The following PPP2R5C variants were observed in gnomAD, a reference collection of about 807,000 sequenced individuals.
PPP2R5C encodes the protein protein phosphatase 2 regulatory subunit B'gamma, also known as serine/threonine-protein phosphatase 2A 56 kDa regulatory subunit gamma isoform.
PPP2R5C carries 7 observed loss-of-function variants against 68.9 expected under a neutral mutation model. The observed-to-expected ratio is 0.10, with a 90% CI of 0.06 to 0.19. The LOEUF is 0.19. Among genes scored for constraint, PPP2R5C ranks in the 10% least tolerant of loss-of-function variants. The pLI is 1.00. For synonymous variants in PPP2R5C, 210 were observed against 222.2 expected (o/e 0.95, Z 0.49); for missense variants, 348 against 641.3 (o/e 0.54, Z 4.94).
At chr14:101,820,766 A>G (rs1210548810) in intron 1 of PPP2R5C, 2 of 152,216 alleles carry the variant, frequency 1.3e-5, no homozygotes, top group African/African-American at 2.4e-5. Context: ...AAAAATGTAC[A>G]ACATGGCCAT....
chr14:101,834,689 A>G (rs2040969685), intron 1 of PPP2R5C, among the ~76,000 whole-genome samples: 1 of 152,224 alleles, frequency 6.6e-6, no homozygotes, highest in Non-Finnish European at 1.5e-5. Flanking sequence ...CTGAGGATTT[A>G]TTAAGATATT....
intron 2 of PPP2R5C, among the ~76,000 whole-genome samples, chr14:101,869,653 G>T (rs12891885): frequency 6.6e-6 from 1 of 151,848 alleles, no homozygotes; most frequent in Non-Finnish European, 1.5e-5. Context: ...ATTATGCCAG[G>T]CTTGTTTGTT....
intron 1 of PPP2R5C, among the ~76,000 whole-genome samples, chr14:101,851,365 A>G (rs922677824): frequency 8.5e-5 from 13 of 152,176 alleles, no homozygotes; most frequent in African/African-American, 2.4e-5. Flanking sequence ...TGGAAGGTCA[A>G]GGTTGCAGTG....
rs140870207 is a variant in PPP2R5C, at chr14:101,877,943, G to A, written c.295-4218G>A. Among the ~76,000 whole-genome samples, 1,402 of 152,304 alleles carry A rather than the reference G, an allele frequency of 9.2e-3. 19 individuals are homozygous for A. Among genetic ancestry groups the A allele is most frequent in the African/African-American group, 0.032 (1,330 of 41,562 alleles). On this transcript the variant is annotated intron_variant, in intron 2 of 13. Coordinates refer to ENST00000334743, the Ensembl canonical transcript of PPP2R5C. The surrounding 1 kb of genome is among the most constrained non-coding windows in gnomAD (Gnocchi z 4.2). Reference sequence around the variant, plus strand: ...GCTGTATCAGTCTGCTCAGGCTGCCGTAAGAAAATACCACAGGCTGGTGGC... The same window carrying A: ...GCTGTATCAGTCTGCTCAGGCTGCCATAAGAAAATACCACAGGCTGGTGGC...
chr14:101,780,053 A>G (rs2037601785), intron 2 of PPP2R5C, among the ~76,000 whole-genome samples: 2 of 152,160 alleles, frequency 1.3e-5, no homozygotes, highest in Admixed American at 1.3e-4. Context: ...CTCCATATGC[A>G]TGGCCCTCTC....
chr14:101,837,229 C>T (rs1566888979), intron 1 of PPP2R5C, among the ~76,000 whole-genome samples: 1 of 152,072 alleles, frequency 6.6e-6, no homozygotes, highest in Non-Finnish European at 1.5e-5. Context: ...CCGCAACCTC[C>T]GCCCCTTGGG....
At chr14:101,873,456 T>C (rs1402889325) in intron 2 of PPP2R5C, among the ~76,000 whole-genome samples, 3 of 152,208 alleles carry the variant, frequency 2.0e-5, no homozygotes, top group East Asian at 3.8e-4. Context: ...GGAACAGTTA[T>C]ATTAAAACCA....
chr14:101,789,413 G>A (rs957588413), intron 3 of PPP2R5C, among the ~76,000 whole-genome samples: 10 of 152,174 alleles, frequency 6.6e-5, no homozygotes, highest in African/African-American at 1.7e-4. Context: ...GCTGGTTGGC[G>A]CCATGCCAGT....
chr14:101,852,381 C>G (rs1043188465), intron 1 of PPP2R5C, among the ~76,000 whole-genome samples: 1 of 151,954 alleles, frequency 6.6e-6, no homozygotes, highest in Non-Finnish European at 1.5e-5. Context: ...CTCTATTTAT[C>G]ACTGATTAAT....
At chr14:101,872,178 T>C (rs1054786360) in intron 2 of PPP2R5C, among the ~76,000 whole-genome samples, 1 of 151,656 alleles carries the variant, frequency 6.6e-6, no homozygotes, top group African/African-American at 2.4e-5. Context: ...ATGAATTCTT[T>C]TAGCTTTCGT....
At chr14:101,919,805 T>TA (rs1404237778) in intron 13 of PPP2R5C, among the ~76,000 whole-genome samples, 2 of 151,958 alleles carry the variant, frequency 1.3e-5, no homozygotes, top group Non-Finnish European at 2.9e-5. Context: ...CCATCTCTAC[T>TA]AAAAAATACA....
intron 3 of PPP2R5C, among the ~76,000 whole-genome samples, chr14:101,795,965 G>A (rs540448171): frequency 2.0e-5 from 3 of 152,212 alleles, no homozygotes; most frequent in African/African-American, 7.2e-5. Flanking sequence ...TGGGACCACA[G>A]GTGCGCACCA....
At chr14:101,829,939 T>C (rs1053166771) in intron 1 of PPP2R5C, among the ~76,000 whole-genome samples, 1 of 143,320 alleles carries the variant, frequency 7.0e-6, no homozygotes, top group African/African-American at 2.7e-5. Context: ...GTGTCCATAG[T>C]GGCAAAAAAA....
Position 101,823,914 on chromosome 14 carries a change from CAA to C in PPP2R5C, c.94+13879_94+13880del, listed in dbSNP as rs1314383048. ...GATCTTATGGTGTCATCTAGAAAAA[CAA>C]GAGATGCAGATTCTGGGTCACGAAG... is the stretch of plus-strand genomic sequence containing the variant. On this transcript the variant is annotated intron_variant, in intron 1 of 13. Transcript: ENST00000334743. 1.8e-5 allele frequency: 23 copies of C among 1,278,878 alleles called. No homozygotes were observed. In the East Asian group the frequency reaches 2.2e-4, roughly 12 times the overall value. The allele number at this position is 1,278,878 out of a possible 1,614,324, so 79.2% of individuals were successfully genotyped here. A position where few individuals can be genotyped will look rare whatever the true frequency, so the allele number is the denominator to read the frequency against.
At chr14:101,811,170 G>A (rs1472712202) in intron 1 of PPP2R5C, among the ~76,000 whole-genome samples, 2 of 152,180 alleles carry the variant, frequency 1.3e-5, no homozygotes, top group Admixed American at 1.3e-4. Context: ...TTTCATGAAG[G>A]TGGAAATCAG....
At position 101,921,356 on chromosome 14, in the gene PPP2R5C, G is replaced by A. The variant is rs72715682; in HGVS notation, c.1443+3409G>A. The A allele has an allele frequency of 8.5e-3, 1,307 of 153,490 alleles. 7 individuals carry two copies. The highest frequency in any genetic ancestry group is 0.013 in the Non-Finnish European group (915 of 68,708). The allele number at this position is 153,490 out of a possible 1,614,324, so 9.5% of individuals were successfully genotyped here. ...TGGGATTATGGGCATGAGCCACCGCGCCCAGCCAATAAACTTTTCTTAAGT... is the reference window on the plus strand; with the variant it reads ...TGGGATTATGGGCATGAGCCACCGCACCCAGCCAATAAACTTTTCTTAAGT... On this transcript the variant is annotated intron_variant, in intron 13 of 13. Transcript: ENST00000334743.
chr14:101,786,137 T>C, exon 3 of PPP2R5C: 6 of 1,590,186 alleles, frequency 3.8e-6, no homozygotes, highest in Non-Finnish European at 5.1e-6. Context: ...CTTCAAGGTT[T>C]AGCGCAAGCA....
chr14:101,806,220 G>T (rs1595210465), upstream of PPP2R5C, among the ~76,000 whole-genome samples: 1 of 152,162 alleles, frequency 6.6e-6, no homozygotes, highest in East Asian at 1.9e-4. Context: ...TTTAAGCCCT[G>T]CATGCATTAG....
intron 9 of PPP2R5C, among the ~76,000 whole-genome samples, chr14:101,904,330 A>G (rs2045897817): frequency 6.6e-6 from 1 of 151,940 alleles, no homozygotes; most frequent in Admixed American, 6.6e-5. Context: ...TTGTATTTTT[A>G]GTAGAGACGG....
Sources: gnomAD v4.1 joint callset for allele counts (sites outside exome capture counted in the v4.1 genomes callset) on GRCh38, gnomAD v4.1.1 for gene constraint, Gnocchi (gnomAD v3.1) non-coding constraint, MANE v1.5 for transcripts, NCBI Gene and HGNC (gene_info 2026-07-23, HGNC 2026-07-21) for gene names.